Variants in RSPH3 observed in about 807,000 individuals in gnomAD.
RSPH3 encodes the protein radial spoke head 3.
In RSPH3, 21 loss-of-function variants were observed where a neutral mutation model predicts 43.8. The ratio of observed to expected loss-of-function variants is 0.48; its 90% CI spans 0.34 to 0.69. The LOEUF is 0.69. Among genes scored for constraint, RSPH3 ranks in the 30% least tolerant of loss-of-function variants. The pLI is 0.01. For missense variants in RSPH3, 487 were observed against 516.0 expected (o/e 0.94, Z 0.54); for synonymous variants, 173 against 179.8 (o/e 0.96, Z 0.30).
At chr6:158,993,791 C>A in intron 2 of RSPH3, 48 bp downstream of exon 2, 1 of 1,000,236 alleles carries the variant, frequency 1.0e-6, no homozygotes, top group South Asian at 1.5e-5. Context: ...GATCCTTCCC[C>A]ATAGATAATG....
chr6:158,984,939 G>A (rs1778177756), intron 3 of RSPH3, among the ~76,000 whole-genome samples: 1 of 152,096 alleles, frequency 6.6e-6, no homozygotes, highest in African/African-American at 2.4e-5. Flanking sequence ...TTCTAGACTT[G>A]GCCTAAAGGC....
chr6:158,982,522 CGTT>C lies in RSPH3; in HGVS notation c.656_658del (p.Gln219del). On this transcript the variant is annotated inframe_deletion, in exon 5 of 8. Coordinates refer to ENST00000367069, the MANE Select transcript of RSPH3 (RefSeq NM_031924.8). ...GTGTCGCCTCTCTTGCTCTTCAAGT[CGTT>C]GAACTTCAGCACGTTCACTATTCCG... 6.2e-7 allele frequency: 1 copy of C among 1,609,028 alleles called. No homozygotes were observed. Among genetic ancestry groups the C allele is most frequent in the East Asian group, 2.2e-5 (1 of 44,740 alleles).
intron 2 of RSPH3, among the ~76,000 whole-genome samples, chr6:158,991,772 C>T (rs1778417068): frequency 6.6e-6 from 1 of 152,134 alleles, no homozygotes; most frequent in Non-Finnish European, 1.5e-5. Context: ...GCAGGAGATC[C>T]AGGATAGGGC....
At chr6:158,992,754 T>A (rs1778458466) in intron 2 of RSPH3, among the ~76,000 whole-genome samples, 1 of 152,190 alleles carries the variant, frequency 6.6e-6, no homozygotes, top group Non-Finnish European at 1.5e-5. Context: ...ACATGTCATA[T>A]ACTGTTTATG....
downstream of RSPH3, among the ~76,000 whole-genome samples, chr6:158,972,482 A>T (rs1777705191): frequency 6.6e-6 from 1 of 152,218 alleles, no homozygotes; most frequent in Non-Finnish European, 1.5e-5. Flanking sequence ...AAGGAATACA[A>T]TATATTTTTG....
chr6:158,987,664 CAT>C (rs1392589163), intron 2 of RSPH3, among the ~76,000 whole-genome samples: 1 of 152,032 alleles, frequency 6.6e-6, no homozygotes, highest in Non-Finnish European at 1.5e-5. Flanking sequence ...TTATAAAAAA[CAT>C]AGATATAACA....
chr6:158,986,092 AG>A (rs1562563095), intron 3 of RSPH3, among the ~76,000 whole-genome samples, 187 bp downstream of exon 3: 1 of 152,204 alleles, frequency 6.6e-6, no homozygotes, highest in African/African-American at 2.4e-5. Context: ...CTGAGATTAC[AG>A]GCGTGAGCCA....
In RSPH3 at chr6:158,980,949, A is replaced by G; in HGVS notation, c.697-13T>C. ...TCTTACGCCGTTCCTGCCAAGAACG[A>G]CAGAGGTGGTTATTTAGCTCTTATG... On this transcript the variant is annotated splice_polypyrimidine_tract_variant and intron_variant, in intron 5 of 7. Coordinates refer to ENST00000367069, the MANE Select transcript of RSPH3 (RefSeq NM_031924.8). 6.2e-7 allele frequency: 1 copy of G among 1,613,076 alleles called. No homozygotes were observed. Among genetic ancestry groups the G allele is most frequent in the South Asian group, 1.1e-5 (1 of 91,056 alleles).
intron 7 of RSPH3, 151 bp from the exon 8 acceptor site, chr6:158,977,999 C>T: frequency 1.5e-6 from 1 of 654,788 alleles, no homozygotes; most frequent in Admixed American, 3.1e-5. Context: ...CAGCATACTT[C>T]ACACTTAATG....
chr6:158,972,812 T>C (rs975995866), downstream of RSPH3: 3 of 152,258 alleles, frequency 2.0e-5, no homozygotes, highest in Non-Finnish European at 2.9e-5. Flanking sequence ...TATTAGCTTA[T>C]CTTTTAACTC....
At chr6:158,970,891 C>T (rs1428778762), downstream of RSPH3, among the ~76,000 whole-genome samples, 1 of 152,128 alleles carries the variant, frequency 6.6e-6, no homozygotes, top group Non-Finnish European at 1.5e-5. Flanking sequence ...CCACTGCACT[C>T]TCAAGACTTT....
intron 6 of RSPH3, among the ~76,000 whole-genome samples, chr6:158,978,936 A>T (rs1283825426): frequency 2.0e-5 from 3 of 152,088 alleles, no homozygotes; most frequent in Admixed American, 6.5e-5. Flanking sequence ...CAGGGGGAGG[A>T]TGTGGGTTTG....
the RSPH3 span, among the ~76,000 whole-genome samples, chr6:158,966,653 C>T: frequency 1.3e-5 from 2 of 151,800 alleles, no homozygotes; most frequent in African/African-American, 2.4e-5. Context: ...TAACGTAGGG[C>T]TGGTAAAATA....
chr6:158,971,439 T>G (rs906149148), downstream of RSPH3, among the ~76,000 whole-genome samples: 4 of 152,218 alleles, frequency 2.6e-5, no homozygotes, highest in Non-Finnish European at 5.9e-5. Flanking sequence ...CCAGAGGTGC[T>G]TTGTCCATAC....
intron 2 of RSPH3, among the ~76,000 whole-genome samples, chr6:158,992,905 A>T (rs1197212090): frequency 6.6e-6 from 1 of 152,210 alleles, no homozygotes; most frequent in African/African-American, 2.4e-5. Flanking sequence ...AAGAAGCAGA[A>T]TTCAGACTTT....
intron 2 of RSPH3, among the ~76,000 whole-genome samples, chr6:158,992,639 A>G (rs1352439020): frequency 6.6e-6 from 1 of 152,098 alleles, no homozygotes; most frequent in Non-Finnish European, 1.5e-5. Context: ...GGTGTTCGGC[A>G]GGTTTGGTGT....
the RSPH3 span, among the ~76,000 whole-genome samples, chr6:158,963,111 T>C: frequency 6.6e-6 from 1 of 152,002 alleles, no homozygotes; most frequent in Non-Finnish European, 1.5e-5. Context: ...CTGAATAATA[T>C]GAAAAACACA....
rs1237235672 is a variant in RSPH3 at position 158,999,659 on chromosome 6, C to T, written c.-109G>A. 2 of 1,614,100 alleles carry T rather than the reference C, an allele frequency of 1.2e-6. No homozygotes were observed. The highest frequency in any genetic ancestry group is 3.3e-5 in the Admixed American group (2 of 60,010). On this transcript the variant is annotated 5_prime_UTR_variant, in exon 1 of 8. Transcript: ENST00000367069. ...GTAAGTAGTGCCAAGGGCAAGGATTCCGCGACGCGAGGAGAGGCGACAACA... is the reference window on the plus strand; with the variant it reads ...GTAAGTAGTGCCAAGGGCAAGGATTTCGCGACGCGAGGAGAGGCGACAACA...
chr6:158,992,966 C>T (rs1778466060), intron 2 of RSPH3, among the ~76,000 whole-genome samples: 1 of 152,282 alleles, frequency 6.6e-6, no homozygotes, highest in South Asian at 2.1e-4. Context: ...CTAAACAAAT[C>T]TAGATGCAAT....
Sources: gnomAD v4.1 joint callset for allele counts (sites outside exome capture counted in the v4.1 genomes callset) on GRCh38, gnomAD v4.1.1 for gene constraint, MANE v1.5 for transcripts, NCBI Gene and HGNC (gene_info 2026-07-23, HGNC 2026-07-21) for gene names.